Variants in CSMD2 observed in about 807,000 individuals in gnomAD.
CSMD2 encodes CUB and Sushi multiple domains 2, also known as CUB and sushi domain-containing protein 2.
A neutral mutation model predicts 398.5 loss-of-function variants in CSMD2; 130 were observed. The observed-to-expected ratio is 0.33, with a 90% CI of 0.28 to 0.38. The LOEUF is 0.38. Among genes scored for constraint, CSMD2 ranks in the 10% least tolerant of loss-of-function variants. The pLI, the probability that CSMD2 is intolerant of heterozygous loss-of-function variation, is 1.00. For synonymous variants in CSMD2, 1,828 were observed against 1,908.5 expected (o/e 0.96, Z 1.10); for missense variants, 3,829 against 4,764.9 (o/e 0.80, Z 5.78).
intron 3 of CSMD2, among the ~76,000 whole-genome samples, chr1:34,025,688 G>T (rs929094161): frequency 6.6e-6 from 1 of 152,144 alleles, no homozygotes; most frequent in African/African-American, 2.4e-5. Context: ...CAACATCTCT[G>T]ATACAAAGAG....
chr1:34,130,070 C>A (rs1318655519), intron 1 of CSMD2, among the ~76,000 whole-genome samples: 6 of 152,178 alleles, frequency 3.9e-5, no homozygotes, highest in African/African-American at 1.4e-4. Context: ...TTCCACTCCA[C>A]CCTGTGCCTT....
intron 6 of CSMD2, chr1:33,839,157 T>G (rs1660597996): frequency 6.6e-6 from 1 of 152,194 alleles, no homozygotes; most frequent in South Asian, 2.1e-4. Flanking sequence ...TGACCAAGAT[T>G]ACATCTCTTC....
intron 12 of CSMD2, among the ~76,000 whole-genome samples, chr1:33,787,098 CAG>C (rs1653625119): frequency 6.6e-6 from 1 of 152,112 alleles, no homozygotes; most frequent in South Asian, 2.1e-4. Flanking sequence ...ATGACAAAGG[CAG>C]AGACTGGAGT....
chr1:33,680,461 C>G (rs1644870541), intron 25 of CSMD2, among the ~76,000 whole-genome samples: 1 of 152,122 alleles, frequency 6.6e-6, no homozygotes, highest in Admixed American at 6.5e-5. Flanking sequence ...CTTGGGGCCT[C>G]TCTCTGGGAT....
At chr1:33,894,825 G>T (rs1642271330) in intron 5 of CSMD2, among the ~76,000 whole-genome samples, 1 of 152,168 alleles carries the variant, frequency 6.6e-6, no homozygotes. Context: ...TGGGACCTCT[G>T]TCTTGTTGGG....
chr1:33,917,155 TCCCACTGCGGCA>T (rs1643767689), intron 5 of CSMD2, among the ~76,000 whole-genome samples: 2 of 152,126 alleles, frequency 1.3e-5, no homozygotes, highest in Admixed American at 1.3e-4. Flanking sequence ...AGAACGCTAT[TCCCACTGCGGCA>T]CCCCCTGGTA....
chr1:34,046,376 C>A (rs1271573955), intron 2 of CSMD2, among the ~76,000 whole-genome samples: 1 of 152,170 alleles, frequency 6.6e-6, no homozygotes, highest in Middle Eastern at 3.2e-3. Flanking sequence ...GGTATAAATA[C>A]TTATTCAGTT....
chr1:33,516,441 G>GA lies in CSMD2; in HGVS notation c.*182_*183insT, dbSNP rs1653770708. On this transcript the variant is annotated 3_prime_UTR_variant, in exon 71 of 71. Coordinates refer to ENST00000373381, the MANE Select transcript of CSMD2 (RefSeq NM_001281956.2). Reference sequence around the variant, plus strand: ...CAGGACACGGCAGGAGTCCTCTCCAGGGTAACTGGCATAGATGGCGGCAGG... The same window carrying GA: ...CAGGACACGGCAGGAGTCCTCTCCAGAGGTAACTGGCATAGATGGCGGCAGG... 1.3e-5 allele frequency: 2 copies of GA among 152,304 alleles called. No individual in the cohort carries two copies. The highest frequency in any genetic ancestry group is 2.9e-5 in the Non-Finnish European group (2 of 68,108). The allele number at this position is 152,304 out of a possible 1,614,324, so 9.4% of individuals were successfully genotyped here. A position where few individuals can be genotyped will look rare whatever the true frequency, so the allele number is the denominator to read the frequency against.
At chr1:33,692,639 A>G (rs943096624) in intron 25 of CSMD2, among the ~76,000 whole-genome samples, 17 of 152,218 alleles carry the variant, frequency 1.1e-4, no homozygotes, top group African/African-American at 3.9e-4. Context: ...AGTACATGGA[A>G]GGGTTGGATT....
At chr1:33,956,400 T>C (rs1015733454) in intron 3 of CSMD2, among the ~76,000 whole-genome samples, 3 of 152,156 alleles carry the variant, frequency 2.0e-5, no homozygotes, top group Admixed American at 1.3e-4. Context: ...GCACTGCATA[T>C]AAGTGGAATC....
chr1:33,600,746 C>A, intron 44 of CSMD2, 119 bp downstream of exon 44: 3 of 977,538 alleles, frequency 3.1e-6, no homozygotes, highest in Non-Finnish European at 4.7e-6. Flanking sequence ...CACTGAGGCT[C>A]CAAGAGGTTA....
chr1:34,103,175 C>T (rs1660154189), intron 1 of CSMD2, among the ~76,000 whole-genome samples: 1 of 152,048 alleles, frequency 6.6e-6, no homozygotes, highest in African/African-American at 2.4e-5. Flanking sequence ...CCTCAAGACA[C>T]CATCAAGTAT....
Position 33,598,665 on chromosome 1 carries a change from G to GTTTTTTTTTTTTTT in CSMD2, c.6856+2186_6856+2199dup, listed in dbSNP as rs5773419. On this transcript the variant is annotated intron_variant, in intron 44 of 70. Coordinates refer to ENST00000373381, the MANE Select transcript of CSMD2 (RefSeq NM_001281956.2). ...TAAAAGCAGCAAATGAGTTTCCTGT[G>GTTTTTTTTTTTTTT]TTTTTTTTTTTTTTTTTTTTTTTGA... 9 of 73,918 alleles carry GTTTTTTTTTTTTTT rather than the reference G, an allele frequency of 1.2e-4. 1 individual carries two copies. Among genetic ancestry groups the GTTTTTTTTTTTTTT allele is most frequent in the Admixed American group, 5.3e-4 (3 of 5,674 alleles). 4.6% of individuals were successfully genotyped at this position (73,918 alleles called of 1,614,324 possible).
intron 5 of CSMD2, among the ~76,000 whole-genome samples, chr1:33,899,022 T>C (rs558901943): frequency 6.6e-6 from 1 of 152,182 alleles, no homozygotes; most frequent in Admixed American, 6.5e-5. Context: ...GTGGCATCCA[T>C]AAAGACAACA....
At chr1:33,957,606 C>A (rs1026028479) in intron 3 of CSMD2, among the ~76,000 whole-genome samples, 1 of 152,172 alleles carries the variant, frequency 6.6e-6, no homozygotes, top group African/African-American at 2.4e-5. Flanking sequence ...GAGTTCTACA[C>A]AATCCTATCC....
intron 3 of CSMD2, among the ~76,000 whole-genome samples, chr1:33,987,320 T>G (rs547963602): frequency 3.5e-4 from 54 of 152,324 alleles, no homozygotes; most frequent in Admixed American, 9.2e-4. Context: ...CTATTCTATG[T>G]GCTATACACA....
At chr1:34,092,432 C>T (rs558271111) in intron 1 of CSMD2, among the ~76,000 whole-genome samples, 195 of 152,298 alleles carry the variant, frequency 1.3e-3, no homozygotes, top group Non-Finnish European at 1.3e-3. Flanking sequence ...GAACAGCTCC[C>T]GTCCACAGCT....
chr1:33,745,304 T>C (rs190716802), intron 13 of CSMD2, among the ~76,000 whole-genome samples: 1 of 152,320 alleles, frequency 6.6e-6, no homozygotes, highest in East Asian at 1.9e-4. Flanking sequence ...TGAAACAACA[T>C]TTAATTTTTC....
In CSMD2 at chr1:33,898,895, A is replaced by C. The variant is rs1235709602; in HGVS notation, c.920+19199T>G. ...GAAAAATGTCACTTGATGGAGCTTG[A>C]CAGATTCCAATAATTGTGAGAGCCA... On this transcript the variant is annotated intron_variant, in intron 5 of 70. Coordinates refer to ENST00000373381, the MANE Select transcript of CSMD2 (RefSeq NM_001281956.2). Among the ~76,000 whole-genome samples, 5 of 152,286 alleles carry C rather than the reference A, an allele frequency of 3.3e-5. No homozygotes were observed. In the East Asian group the frequency reaches 9.7e-4, roughly 29 times the overall value.
Sources: allele counts gnomAD v4.1 joint callset (sites outside exome capture counted in the v4.1 genomes callset), GRCh38; gene constraint gnomAD v4.1.1; transcripts MANE v1.5; gene names NCBI Gene and HGNC (gene_info 2026-07-23, HGNC 2026-07-21).